SYT1: variants seen among roughly 807,000 people sequenced by gnomAD.
The protein encoded by SYT1 is synaptotagmin-1.
Under a neutral mutation model 44.8 loss-of-function variants are expected in SYT1, and 8 were observed. The observed-to-expected ratio is 0.18, with a 90% confidence interval of 0.10 to 0.32. The LOEUF is 0.32. Among genes scored for constraint, SYT1 ranks in the 10% least tolerant of loss-of-function variants. The probability of loss-of-function intolerance (pLI) is 1.00; values close to 1 mark genes in which losing one functional copy is unlikely to be tolerated. For synonymous variants in SYT1, 154 were observed against 188.8 expected, an observed-to-expected ratio of 0.82 and a Z score of 1.51; for missense variants, 286 against 509.3, an observed-to-expected ratio of 0.56 and a Z score of 4.22.
At chr12:79,349,047 AAGAAAGAAAGG>A (rs1410264315) in intron 8 of SYT1, among the ~76,000 whole-genome samples, 2 of 143,266 alleles carry the variant, frequency 1.4e-5, no homozygotes, top group African/African-American at 5.3e-5. Flanking sequence ...GAAAGAAAGA[AAGAAAGAAAGG>A]AGGGAGGGAG....
At chr12:79,066,206 C>T (rs1875838309) in intron 3 of SYT1, among the ~76,000 whole-genome samples, 1 of 151,998 alleles carries the variant, frequency 6.6e-6, no homozygotes, top group Admixed American at 6.6e-5. Context: ...AATTATGCTC[C>T]CAATTTAATT....
At chr12:79,322,713 C>A (rs950754128) in intron 8 of SYT1, among the ~76,000 whole-genome samples, 1 of 151,964 alleles carries the variant, frequency 6.6e-6, no homozygotes, top group East Asian at 1.9e-4. Context: ...TAAAATAGAA[C>A]CAGAATCTCT....
intron 4 of SYT1, among the ~76,000 whole-genome samples, chr12:79,230,944 T>C (rs1875832466): frequency 6.6e-6 from 1 of 152,216 alleles, no homozygotes; most frequent in South Asian, 2.1e-4. Context: ...TACTTTAAAA[T>C]AGCTTTAACA....
At chr12:79,390,420 C>T (rs146463374) in intron 9 of SYT1, among the ~76,000 whole-genome samples, 4 of 150,616 alleles carry the variant, frequency 2.7e-5, no homozygotes, top group African/African-American at 9.7e-5. Flanking sequence ...GTTATGCATA[C>T]AAGCACATAG....
chr12:79,410,740 A>G (rs1393753103), intron 9 of SYT1, among the ~76,000 whole-genome samples: 3 of 152,146 alleles, frequency 2.0e-5, no homozygotes, highest in Admixed American at 1.3e-4. Context: ...TTCTATAATT[A>G]AGCATTACAT....
At chr12:79,024,471 C>A (rs910274963) in intron 2 of SYT1, among the ~76,000 whole-genome samples, 1 of 151,768 alleles carries the variant, frequency 6.6e-6, no homozygotes, top group African/African-American at 2.4e-5. Context: ...GTATCTTTAA[C>A]ATTCTAGGGC....
At chr12:78,926,101 A>G (rs1371531930) in intron 1 of SYT1, among the ~76,000 whole-genome samples, 1 of 152,048 alleles carries the variant, frequency 6.6e-6, no homozygotes, top group Non-Finnish European at 1.5e-5. Context: ...AATTCTGCAT[A>G]AATGTTATAA....
intron 4 of SYT1, among the ~76,000 whole-genome samples, chr12:79,232,912 C>T (rs748074423): frequency 2.2e-4 from 33 of 152,138 alleles, no homozygotes; most frequent in Non-Finnish European, 1.0e-4. Context: ...CGAAGGTAGG[C>T]GACCTTCCAG....
At chr12:78,902,663 C>A (rs1875728731) in intron 1 of SYT1, among the ~76,000 whole-genome samples, 1 of 151,940 alleles carries the variant, frequency 6.6e-6, no homozygotes, top group South Asian at 2.1e-4. Context: ...TTTTTAACAA[C>A]CAAATAAATA....
chr12:79,032,967 T>C (rs758662018), intron 2 of SYT1, among the ~76,000 whole-genome samples: 2 of 151,388 alleles, frequency 1.3e-5, no homozygotes, highest in Non-Finnish European at 3.0e-5. Context: ...GTCTCTTTAG[T>C]TGAGTTTTAT....
chr12:79,310,356 G>T (rs1170116335), intron 8 of SYT1, among the ~76,000 whole-genome samples: 3 of 152,056 alleles, frequency 2.0e-5, no homozygotes, highest in African/African-American at 7.3e-5. Flanking sequence ...TGAGGGCTCT[G>T]TTCTGTTCCA....
intron 2 of SYT1, among the ~76,000 whole-genome samples, chr12:79,042,539 G>T (rs1226046455): frequency 6.9e-6 from 1 of 144,658 alleles, no homozygotes; most frequent in Non-Finnish European, 1.5e-5. Flanking sequence ...AGTCTTGCTA[G>T]TGGTCTATCA....
intron 9 of SYT1, among the ~76,000 whole-genome samples, chr12:79,374,079 G>A (rs539298269): frequency 7.2e-5 from 11 of 152,188 alleles, no homozygotes; most frequent in East Asian, 3.9e-4. Flanking sequence ...CCCACCCCAC[G>A]GTGGCGCTTC....
At chr12:79,118,233 A>G (rs1879406470) in intron 3 of SYT1, among the ~76,000 whole-genome samples, 1 of 152,062 alleles carries the variant, frequency 6.6e-6, no homozygotes, top group South Asian at 2.1e-4. Flanking sequence ...GCCATTTAAC[A>G]TGTGTGGTTA....
At chr12:79,419,195 A>G in intron 9 of SYT1, 1 of 478,598 alleles carries the variant, frequency 2.1e-6, no homozygotes, top group Non-Finnish European at 4.3e-6. Context: ...TTAAATTTCT[A>G]CTCACATTTC....
chr12:79,261,186 GA>G (rs1877811056), intron 4 of SYT1, among the ~76,000 whole-genome samples: 2 of 152,290 alleles, frequency 1.3e-5, no homozygotes, highest in South Asian at 4.1e-4. Flanking sequence ...CCCAGCAGGA[GA>G]ATATAAATGA....
intron 8 of SYT1, among the ~76,000 whole-genome samples, chr12:79,338,683 T>A (rs562913627): frequency 4.6e-5 from 7 of 150,678 alleles, no homozygotes; most frequent in Non-Finnish European, 7.4e-5. Context: ...CCTTTTTTTT[T>A]ATTATACTTT....
intron 1 of SYT1, among the ~76,000 whole-genome samples, chr12:78,911,796 TG>T (rs1464586569): frequency 2.0e-5 from 3 of 151,936 alleles, no homozygotes; most frequent in Non-Finnish European, 4.4e-5. Context: ...ACTTAAATGC[TG>T]GGGAAACATT....
rs189539952 is a variant in SYT1, at chr12:79,296,831, C to A, written c.642+595C>A. ...TCAGTTGACAAACAACAGAGAGATT[C>A]CAGCCATATAATATCTCATCAGGAA... is the stretch of plus-strand genomic sequence containing the variant. On this transcript the variant is annotated intron_variant, in intron 7 of 10. Transcript: ENST00000261205. Among the ~76,000 whole-genome samples the A allele has an allele frequency of 9.2e-5, 14 of 152,302 alleles. No individual in the cohort carries two copies. The East Asian group carries it at 2.7e-3, about 29-fold the overall frequency.
Sources: allele counts gnomAD v4.1 joint callset (sites outside exome capture counted in the v4.1 genomes callset), GRCh38; gene constraint gnomAD v4.1.1; transcripts MANE v1.5; gene names NCBI Gene and HGNC (gene_info 2026-07-23, HGNC 2026-07-21).